COL18A1: variants seen among roughly 807,000 people sequenced by gnomAD.
COL18A1 encodes the protein collagen type XVIII alpha 1 chain, also known as collagen alpha-1(XVIII) chain.
Under a neutral mutation model 168.0 loss-of-function variants are expected in COL18A1, and 133 were observed. The observed-to-expected ratio is 0.79, with a 90% CI of 0.69 to 0.91. The LOEUF (loss-of-function observed/expected upper bound fraction) is 0.91. Among genes scored for constraint, COL18A1 ranks in the 40% least tolerant of loss-of-function variants. The pLI, the probability that COL18A1 is intolerant of heterozygous loss-of-function variation, is 0.00. For missense variants in COL18A1, 2,126 were observed against 1,925.4 expected (o/e 1.10, Z -1.95); for synonymous variants, 949 against 809.0 (o/e 1.17, Z -2.94).
rs780122267 is a variant in COL18A1, at chr21:45,490,354, GC to G, written c.2031+10del. On this transcript the variant is annotated intron_variant, in intron 20 of 41. Transcript: ENST00000651438. ...GGCATTGCTGGGCCCCAGGTGAGTT[GC>G]CTTGGTGGGCCCAGGGTGCAGGGGG... is the stretch of plus-strand genomic sequence containing the variant. 7 of 1,566,924 alleles carry G rather than the reference GC, an allele frequency of 4.5e-6. No individual in the cohort carries two copies. The highest frequency in any genetic ancestry group is 6.1e-6 in the Non-Finnish European group (7 of 1,155,758).
At position 45,510,106 on chromosome 21, in the gene COL18A1, C is replaced by T. The variant is rs747825364; in HGVS notation, c.3538C>T (p.Arg1180Trp). ...ALNSPLSGGM[R>W]GIRGADFQCF... is the part of the protein sequence containing the mutation. ...CAACAGCCCCCTGTCAGGCGGCATGCGGGGCATCCGCGGGGCCGACTTCCA... is the reference window on the plus strand; with the variant it reads ...CAACAGCCCCCTGTCAGGCGGCATGTGGGGCATCCGCGGGGCCGACTTCCA... Residue 1180 changes from arginine (R) to tryptophan (W), a missense_variant, in exon 40 of 42, where the codon CGG becomes TGG. Coordinates refer to ENST00000651438, the MANE Select transcript of COL18A1 (RefSeq NM_001379500.1). 21 of 1,592,384 alleles carry T rather than the reference C, an allele frequency of 1.3e-5. No individual in the cohort carries two copies. Among genetic ancestry groups the T allele is most frequent in the Admixed American group, 1.2e-4 (7 of 58,146 alleles).
chr21:45,452,954 A>G (rs1004517286), intron 2 of COL18A1, among the ~76,000 whole-genome samples: 11 of 144,490 alleles, frequency 7.6e-5, no homozygotes, highest in African/African-American at 2.5e-4. Flanking sequence ...ATGTATGTAC[A>G]TGTGTGACCT....
chr21:45,436,342 G>C (rs1053836459), intron 2 of COL18A1, among the ~76,000 whole-genome samples: 2 of 152,224 alleles, frequency 1.3e-5, no homozygotes, highest in Non-Finnish European at 2.9e-5. Flanking sequence ...CCCATCCAGC[G>C]TGTGCAGTGG....
rs139452043 is a variant in COL18A1, at chr21:45,508,184, T to G, written c.3249+591T>G. Among the ~76,000 whole-genome samples the G allele has an allele frequency of 6.2e-3, 854 of 138,822 alleles. 7 individuals carry two copies. Among genetic ancestry groups the G allele is most frequent in the East Asian group, 0.039 (179 of 4,620 alleles). The allele number at this position is 138,822 out of a possible 152,430, so 91.1% of individuals were successfully genotyped here. Reference sequence around the variant, plus strand: ...ATAGGTAGGTAGCTGGGGAGATGGATGGATGGTGGACAGGTGGGTGAGTGT... The same window carrying G: ...ATAGGTAGGTAGCTGGGGAGATGGAGGGATGGTGGACAGGTGGGTGAGTGT... On this transcript the variant is annotated intron_variant, in intron 38 of 41. Coordinates refer to ENST00000651438, the MANE Select transcript of COL18A1 (RefSeq NM_001379500.1).
intron 15 of COL18A1, among the ~76,000 whole-genome samples, chr21:45,485,915 T>A (rs1226337278): frequency 6.6e-6 from 1 of 152,204 alleles, no homozygotes; most frequent in Non-Finnish European, 1.5e-5. Context: ...CATTCCGCTC[T>A]GTCCCGAGCC....
At chr21:45,477,368 AC>A (rs2035714204) in intron 6 of COL18A1, 42 bp from the exon 7 acceptor site, 2 of 1,552,322 alleles carry the variant, frequency 1.3e-6, no homozygotes. Context: ...AGCTGGGGCC[AC>A]CCGGGGGGCG....
intron 2 of COL18A1, among the ~76,000 whole-genome samples, chr21:45,449,445 G>A (rs1484511411): frequency 6.6e-6 from 1 of 152,190 alleles, no homozygotes; most frequent in Non-Finnish European, 1.5e-5. Context: ...GGACACCAGA[G>A]CCTGGGGAGG....
chr21:45,510,328 A>C, intron 40 of COL18A1, 67 bp downstream of exon 40: 2 of 1,507,340 alleles, frequency 1.3e-6, no homozygotes, highest in Non-Finnish European at 1.8e-6. Flanking sequence ...GTGAACTCCC[A>C]GCGGGGAGCT....
chr21:45,416,315 G>A (rs78944625), intron 2 of COL18A1, among the ~76,000 whole-genome samples: 3,991 of 152,320 alleles, frequency 0.026, 174 homozygotes, highest in African/African-American at 0.089. Context: ...AGCACACACA[G>A]TCTTGCCATG....
chr21:45,469,057 C>G (rs534766699), intron 3 of COL18A1, among the ~76,000 whole-genome samples: 10 of 152,332 alleles, frequency 6.6e-5, no homozygotes, highest in African/African-American at 2.4e-4. Context: ...AAGGGTAGCC[C>G]TGGGCTTCCA....
intron 1 of COL18A1, 57 bp downstream of exon 1, chr21:45,405,298 C>CTGCGGGGGTCCT: frequency 1.9e-6 from 1 of 521,436 alleles, no homozygotes; most frequent in Non-Finnish European, 2.4e-6. Context: ...CTGCGGGGGT[C>CTGCGGGGGTCCT]GCGGGGGTCG....
chr21:45,505,113 G>A (rs529342304), intron 34 of COL18A1, 21 bp from the exon 35 acceptor site: 40 of 1,605,150 alleles, frequency 2.5e-5, no homozygotes, highest in Middle Eastern at 1.7e-4. Context: ...ACCAGGAAGC[G>A]TCTCTTGTCG....
chr21:45,441,149 C>T (rs541305257), intron 2 of COL18A1, among the ~76,000 whole-genome samples: 7 of 152,338 alleles, frequency 4.6e-5, no homozygotes, highest in Admixed American at 6.5e-5. Flanking sequence ...GAATCTGCTG[C>T]AGCTGCCCAG....
chr21:45,497,035 C>G lies in COL18A1; in HGVS notation c.2578-15C>G. The G allele has an allele frequency of 6.3e-7, 1 of 1,597,758 alleles. No homozygotes were observed. The highest frequency in any genetic ancestry group is 8.6e-7 in the Non-Finnish European group (1 of 1,168,852). On this transcript the variant is annotated splice_polypyrimidine_tract_variant and intron_variant, in intron 30 of 41. Coordinates refer to ENST00000651438, the MANE Select transcript of COL18A1 (RefSeq NM_001379500.1). ...AACATCGCCCTCAGCAGCCGCCTCT[C>G]CCCGTTCCTTGCAGGTGTTTGCTGA...
chr21:45,461,627 A>C (rs2035053348), intron 2 of COL18A1, among the ~76,000 whole-genome samples: 2 of 152,194 alleles, frequency 1.3e-5, no homozygotes, highest in African/African-American at 4.8e-5. Flanking sequence ...CATCTGTGGC[A>C]CACACGCATA....
chr21:45,486,989 A>G lies in COL18A1; in HGVS notation c.1830A>G (p.Gly610=). The G allele has an allele frequency of 6.6e-7, 1 of 1,523,520 alleles. No homozygotes were observed. The highest frequency in any genetic ancestry group is 8.7e-7 in the Non-Finnish European group (1 of 1,143,152). The allele number at this position is 1,523,520 out of a possible 1,614,324, so 94.4% of individuals were successfully genotyped here. Residue 610 remains glycine (G), a synonymous_variant, in exon 16 of 42, where the codon GGA becomes GGG. Transcript: ENST00000651438. ...CCCCAGGACCAGGACTCCCCGCTGG[A>G]TTTGTGAGTACCGCCTACACCTGAC... ...PGPPGPGLPA[G]FDDMEGSGGP...
At chr21:45,415,953 C>T (rs560746440) in intron 2 of COL18A1, among the ~76,000 whole-genome samples, 28 of 152,290 alleles carry the variant, frequency 1.8e-4, no homozygotes, top group South Asian at 1.0e-3. Context: ...CAGAACACTG[C>T]GTGGGCCCTC....
At chr21:45,509,632 C>T (rs1185372415) in intron 39 of COL18A1, 31 bp downstream of exon 39, 2 of 1,173,674 alleles carry the variant, frequency 1.7e-6, no homozygotes, top group East Asian at 2.5e-5. Context: ...GGCTTGGCTC[C>T]ATCTAGCCCC....
intron 32 of COL18A1, among the ~76,000 whole-genome samples, chr21:45,501,955 C>T (rs563168325): frequency 9.0e-5 from 4 of 44,426 alleles, no homozygotes; most frequent in Admixed American, 2.7e-4. Context: ...CCTCAGGGGC[C>T]TCCGCAGCCG....
Sources: allele counts gnomAD v4.1 joint callset (sites outside exome capture counted in the v4.1 genomes callset), GRCh38; gene constraint gnomAD v4.1.1; transcripts MANE v1.5; gene names NCBI Gene and HGNC (gene_info 2026-07-23, HGNC 2026-07-21).